CNTN4: variants seen among roughly 807,000 people sequenced by gnomAD.
CNTN4 encodes the protein contactin 4, also known as contactin-4.
A neutral mutation model predicts 122.5 loss-of-function variants in CNTN4; 77 were observed. The observed-to-expected ratio is 0.63, with a 90% CI of 0.52 to 0.76. The LOEUF (loss-of-function observed/expected upper bound fraction) is 0.76, where lower values mean the gene tolerates loss of function less well. Ranked by LOEUF, CNTN4 falls within the 30% of genes least tolerant of loss-of-function variation. The pLI, the probability that CNTN4 is intolerant of heterozygous loss-of-function variation, is 0.00. For missense variants in CNTN4, 1,256 were observed against 1,259.1 expected (o/e 1.00, Z 0.04); for synonymous variants, 512 against 447.0 (o/e 1.15, Z -1.83).
At chr3:2,891,237 G>C (rs1231326334) in intron 10 of CNTN4, among the ~76,000 whole-genome samples, 2 of 152,096 alleles carry the variant, frequency 1.3e-5, no homozygotes, top group Non-Finnish European at 2.9e-5. Context: ...GCCGAAGTGG[G>C]TGAGTCACTT....
intron 6 of CNTN4, among the ~76,000 whole-genome samples, chr3:2,804,737 C>CTTTTTTTTTTTTTTTTTTT (rs370653933): frequency 0.067 from 9,441 of 141,490 alleles, 569 homozygotes; most frequent in East Asian, 0.27. Context: ...ATTTTGAGCA[C>CTTTTTTTTTTTTTTTTTTT]TTTTTTTTTG....
chr3:2,972,916 C>T (rs1433509474), intron 13 of CNTN4, among the ~76,000 whole-genome samples: 2 of 151,536 alleles, frequency 1.3e-5, no homozygotes, highest in Non-Finnish European at 2.9e-5. Context: ...GCTTCCTGCT[C>T]CTTTCTTAAG....
chr3:2,472,033 C>T (rs1349955142), intron 3 of CNTN4, among the ~76,000 whole-genome samples: 1 of 151,880 alleles, frequency 6.6e-6, no homozygotes, highest in Non-Finnish European at 1.5e-5. Flanking sequence ...AAAATGTTCT[C>T]CCCGAAACCC....
At chr3:2,862,183 G>C (rs1277363241) in intron 7 of CNTN4, among the ~76,000 whole-genome samples, 1 of 152,174 alleles carries the variant, frequency 6.6e-6, no homozygotes, top group East Asian at 1.9e-4. Flanking sequence ...CCACTACTGG[G>C]ATATGACTCA....
intron 4 of CNTN4, among the ~76,000 whole-genome samples, chr3:2,576,332 C>T (rs972182985): frequency 4.6e-5 from 7 of 152,108 alleles, no homozygotes; most frequent in African/African-American, 1.7e-4. Context: ...ACTAGATCTC[C>T]AGTTTCAAGC....
chr3:3,026,627 C>T (rs1698745224), intron 15 of CNTN4, among the ~76,000 whole-genome samples: 1 of 152,100 alleles, frequency 6.6e-6, no homozygotes, highest in Non-Finnish European at 1.5e-5. Flanking sequence ...CATATCATAT[C>T]ATATATCCTA....
intron 6 of CNTN4, among the ~76,000 whole-genome samples, chr3:2,773,899 A>T (rs1383940632): frequency 6.6e-6 from 1 of 150,998 alleles, no homozygotes; most frequent in Non-Finnish European, 1.5e-5. Context: ...AACTGGAATT[A>T]TAGGCACCCG....
chr3:2,801,347 A>G (rs1224479023), intron 6 of CNTN4, among the ~76,000 whole-genome samples: 1 of 152,184 alleles, frequency 6.6e-6, no homozygotes, highest in Non-Finnish European at 1.5e-5. Context: ...TGTTCTCTGT[A>G]CTTCAGCTCA....
At chr3:2,653,769 A>G (rs943928947) in intron 4 of CNTN4, among the ~76,000 whole-genome samples, 1 of 152,190 alleles carries the variant, frequency 6.6e-6, no homozygotes, top group Admixed American at 6.5e-5. Flanking sequence ...TGACTACTCA[A>G]AAATCTTACC....
Position 2,304,461 on chromosome 3 carries a change from A to G in CNTN4, c.-144-34717A>G, listed in dbSNP as rs116813361. Among the ~76,000 whole-genome samples the G allele has an allele frequency of 6.9e-3, 1,044 of 152,246 alleles. 10 individuals are homozygous for G. The highest frequency in any genetic ancestry group is 0.023 in the African/African-American group (963 of 41,558). On this transcript the variant is annotated intron_variant, in intron 2 of 24. Coordinates refer to ENST00000418658, the MANE Select transcript of CNTN4 (RefSeq NM_175607.3). ...GCCAGATTCTATTAGTACTTTTAAA[A>G]ATTTTACATGATCCTTGACATTGAT... is the stretch of plus-strand genomic sequence containing the variant.
intron 3 of CNTN4, among the ~76,000 whole-genome samples, chr3:2,389,279 ATTATGTTGT>A: frequency 9.3e-6 from 1 of 107,906 alleles, no homozygotes; most frequent in East Asian, 2.4e-4. Context: ...CAGCCTTCTC[ATTATGTTGT>A]TCTCGGAGAA....
chr3:2,523,497 T>C (rs1360417448), intron 3 of CNTN4, among the ~76,000 whole-genome samples: 2 of 152,098 alleles, frequency 1.3e-5, no homozygotes, highest in Non-Finnish European at 2.9e-5. Flanking sequence ...AGTTGCTTTA[T>C]TGTGACATGA....
intron 2 of CNTN4, among the ~76,000 whole-genome samples, chr3:2,208,110 T>A (rs1204951513): frequency 2.6e-5 from 4 of 152,168 alleles, no homozygotes; most frequent in African/African-American, 9.6e-5. Context: ...TTAAGATATA[T>A]ACTTCATAAG....
chr3:2,613,651 A>T (rs1401080958), intron 4 of CNTN4, among the ~76,000 whole-genome samples: 2 of 152,126 alleles, frequency 1.3e-5, no homozygotes, highest in East Asian at 1.9e-4. Flanking sequence ...TTGCTATATG[A>T]TCAGAGTTAC....
At chr3:2,745,435 C>A in intron 5 of CNTN4, 87 bp from the exon 6 acceptor site, 1 of 1,095,498 alleles carries the variant, frequency 9.1e-7, no homozygotes, top group Non-Finnish European at 1.4e-6. Flanking sequence ...ATTTTTCATG[C>A]TATTTATAGT....
At chr3:2,362,457 C>G (rs974783521) in intron 3 of CNTN4, 1 of 433,544 alleles carries the variant, frequency 2.3e-6, no homozygotes, top group Non-Finnish European at 4.5e-6. Context: ...CAGCCTACAT[C>G]CTATATGAGG....
intron 6 of CNTN4, among the ~76,000 whole-genome samples, chr3:2,814,135 C>T (rs1300970058): frequency 6.6e-6 from 1 of 152,150 alleles, no homozygotes; most frequent in Admixed American, 6.5e-5. Flanking sequence ...CAATCCTTAG[C>T]ACATGGCTGT....
chr3:2,613,920 A>G (rs1350912733), intron 4 of CNTN4, among the ~76,000 whole-genome samples: 1 of 152,026 alleles, frequency 6.6e-6, no homozygotes, highest in African/African-American at 2.4e-5. Context: ...TACTCAGTCC[A>G]CAAATACTGA....
intron 13 of CNTN4, among the ~76,000 whole-genome samples, chr3:2,963,726 T>C (rs1029853114): frequency 1.3e-5 from 2 of 152,266 alleles, no homozygotes; most frequent in Non-Finnish European, 2.9e-5. Flanking sequence ...TATTTTCTTC[T>C]TAGCACATAT....
Sources: allele counts gnomAD v4.1 joint callset (sites outside exome capture counted in the v4.1 genomes callset), GRCh38; gene constraint gnomAD v4.1.1; transcripts MANE v1.5; gene names NCBI Gene and HGNC (gene_info 2026-07-23, HGNC 2026-07-21).